TOX: variants seen among roughly 807,000 people sequenced by gnomAD.
TOX encodes the protein thymocyte selection-associated high mobility group box protein TOX.
A neutral mutation model predicts 53.7 loss-of-function variants in TOX; 11 were observed. That is an observed-to-expected ratio of 0.20 (90% CI 0.13 to 0.34). The LOEUF is 0.34. Ranked by LOEUF, TOX falls within the 10% of genes least tolerant of loss-of-function variation. The pLI is 1.00. For synonymous variants in TOX, 225 were observed against 245.3 expected, an observed-to-expected ratio of 0.92 and a Z score of 0.77; for missense variants, 570 against 664.6, an observed-to-expected ratio of 0.86 and a Z score of 1.56.
At chr8:59,052,963 G>C (rs1279954858) in intron 1 of TOX, among the ~76,000 whole-genome samples, 1 of 152,096 alleles carries the variant, frequency 6.6e-6, no homozygotes, top group Non-Finnish European at 1.5e-5. Context: ...TTGAATAATG[G>C]AAAATGTGGT....
chr8:58,906,451 A>G (rs1018879332), intron 3 of TOX, among the ~76,000 whole-genome samples: 4 of 152,266 alleles, frequency 2.6e-5, no homozygotes, highest in Admixed American at 6.5e-5. Context: ...ACGTCACATT[A>G]TAAAATGTTT....
chr8:58,929,173 T>C (rs900376926), intron 3 of TOX, among the ~76,000 whole-genome samples: 2 of 152,134 alleles, frequency 1.3e-5, no homozygotes, highest in African/African-American at 4.8e-5. Flanking sequence ...TTAACTATCA[T>C]TTTTGTGATT....
chr8:58,806,007 T>TTCTC lies in TOX; in HGVS notation c.*1736_*1739dup, dbSNP rs1809967687. The TTCTC allele has an allele frequency of 6.5e-6, 1 of 152,698 alleles. No individual in the cohort carries two copies. The highest frequency in any genetic ancestry group is 2.4e-5 in the African/African-American group (1 of 41,482). The allele number at this position is 152,698 out of a possible 1,614,324, so 9.5% of individuals were successfully genotyped here. A position where few individuals can be genotyped will look rare whatever the true frequency, so the allele number is the denominator to read the frequency against. ...TATTCCAAGAAAGAGACATCAGCCA[T>TTCTC]TCTCTTGGTTTCCAACCAGACTAAC... On this transcript the variant is annotated 3_prime_UTR_variant, in exon 9 of 9. Coordinates refer to ENST00000361421, the MANE Select transcript of TOX (RefSeq NM_014729.3).
chr8:58,890,614 C>A (rs148104573), intron 3 of TOX, among the ~76,000 whole-genome samples: 2 of 152,038 alleles, frequency 1.3e-5, no homozygotes, highest in African/African-American at 4.8e-5. Flanking sequence ...CTCCAGGGGG[C>A]TATGAGAGAA....
intron 2 of TOX, among the ~76,000 whole-genome samples, chr8:58,945,610 C>T (rs1812511946): frequency 6.6e-6 from 1 of 152,164 alleles, no homozygotes; most frequent in Non-Finnish European, 1.5e-5. Flanking sequence ...TCTGAGTATC[C>T]TGTTTACATT....
intron 1 of TOX, among the ~76,000 whole-genome samples, chr8:58,967,120 C>T (rs1378223586): frequency 6.6e-6 from 1 of 151,906 alleles, no homozygotes; most frequent in Non-Finnish European, 1.5e-5. Context: ...GTGATCTGCC[C>T]TCCTCGGCCT....
chr8:58,883,402 T>C (rs950496530), intron 3 of TOX, among the ~76,000 whole-genome samples: 3 of 152,238 alleles, frequency 2.0e-5, no homozygotes, highest in Non-Finnish European at 4.4e-5. Flanking sequence ...ACTAAAACCT[T>C]AGAAAATTAT....
intron 1 of TOX, among the ~76,000 whole-genome samples, chr8:58,978,965 T>C (rs564065686): frequency 6.6e-6 from 1 of 152,358 alleles, no homozygotes; most frequent in South Asian, 2.1e-4. Context: ...CGAAAAATGC[T>C]ATTGCTAAAA....
At chr8:59,039,460 G>A (rs185565816) in intron 1 of TOX, among the ~76,000 whole-genome samples, 21 of 152,342 alleles carry the variant, frequency 1.4e-4, no homozygotes, top group Non-Finnish European at 2.8e-4. Context: ...TCCCTTGGTA[G>A]TGAACAAGCA....
At chr8:58,889,247 A>G (rs888479319) in intron 3 of TOX, among the ~76,000 whole-genome samples, 1 of 150,696 alleles carries the variant, frequency 6.6e-6, no homozygotes. Flanking sequence ...AAACCCTGAA[A>G]ACAAAATACC....
chr8:59,047,052 G>A (rs1803697700), intron 1 of TOX, among the ~76,000 whole-genome samples: 1 of 152,008 alleles, frequency 6.6e-6, no homozygotes, highest in African/African-American at 2.4e-5. Context: ...CCAGGCTAGT[G>A]GAGAATGTGT....
intron 3 of TOX, among the ~76,000 whole-genome samples, chr8:58,882,903 T>C (rs886672801): frequency 2.0e-5 from 3 of 152,232 alleles, no homozygotes; most frequent in Admixed American, 1.3e-4. Flanking sequence ...TAGAATTCAT[T>C]AGAGACATAT....
Position 58,955,860 on chromosome 8 carries a change from G to A in TOX, c.168+4083C>T, listed in dbSNP as rs529968991. On this transcript the variant is annotated intron_variant, in intron 2 of 8. Coordinates refer to ENST00000361421, the MANE Select transcript of TOX (RefSeq NM_014729.3). Reference sequence around the variant, plus strand: ...AGCAATTCTCCTGCCTCAGCCTCCCGAGTAGCTGGGATTACAGGTGCACTC... The same window carrying A: ...AGCAATTCTCCTGCCTCAGCCTCCCAAGTAGCTGGGATTACAGGTGCACTC... 4.6e-5 allele frequency among the ~76,000 whole-genome samples: 7 copies of A among 151,374 alleles called. No individual in the cohort carries two copies. In the South Asian group the frequency reaches 6.3e-4, roughly 14 times the overall value.
At chr8:58,831,822 T>G (rs1273656944) in intron 5 of TOX, among the ~76,000 whole-genome samples, 3 of 152,184 alleles carry the variant, frequency 2.0e-5, no homozygotes, top group Non-Finnish European at 4.4e-5. Flanking sequence ...GTGCTAAGGA[T>G]GAAACTGAAC....
chr8:59,034,232 G>A (rs867497375), intron 1 of TOX, among the ~76,000 whole-genome samples: 1 of 152,172 alleles, frequency 6.6e-6, no homozygotes, highest in Middle Eastern at 3.2e-3. Context: ...AGTCCCAAAC[G>A]ATCATTAATA....
intron 1 of TOX, among the ~76,000 whole-genome samples, chr8:58,996,698 T>C (rs959028061): frequency 4.6e-5 from 7 of 152,242 alleles, no homozygotes; most frequent in Non-Finnish European, 8.8e-5. Flanking sequence ...AAAATATTTA[T>C]AGACAAATAC....
At chr8:58,809,531 T>C (rs1343158318) in intron 7 of TOX, among the ~76,000 whole-genome samples, 2 of 152,214 alleles carry the variant, frequency 1.3e-5, no homozygotes, top group Non-Finnish European at 2.9e-5. Context: ...CCACACAAGC[T>C]GTGGACAAAG....
chr8:58,943,714 G>A (rs1326013745), intron 2 of TOX, among the ~76,000 whole-genome samples: 2 of 151,768 alleles, frequency 1.3e-5, no homozygotes, highest in Non-Finnish European at 2.9e-5. Context: ...AATGCTGAGG[G>A]AGGCCAGGTA....
chr8:58,922,149 G>T (rs959877512), intron 3 of TOX, among the ~76,000 whole-genome samples: 1 of 146,282 alleles, frequency 6.8e-6, no homozygotes, highest in Admixed American at 7.0e-5. Flanking sequence ...TTAACGATGG[G>T]TTACTTCATG....
Sources: gnomAD v4.1 joint callset for allele counts (sites outside exome capture counted in the v4.1 genomes callset) on GRCh38, gnomAD v4.1.1 for gene constraint, MANE v1.5 for transcripts, NCBI Gene and HGNC (gene_info 2026-07-23, HGNC 2026-07-21) for gene names.